Variants in EIF4E3 observed in about 807,000 individuals in gnomAD.
The protein encoded by EIF4E3 is eukaryotic translation initiation factor 4E family member 3.
In EIF4E3, 26 loss-of-function variants were observed where a neutral mutation model predicts 31.7. That is an observed-to-expected ratio of 0.82 (90% confidence interval 0.60 to 1.14). The LOEUF (loss-of-function observed/expected upper bound fraction) is 1.14. Among genes scored for constraint, EIF4E3 ranks in the 50% most tolerant of loss-of-function variants. The probability of loss-of-function intolerance (pLI) is 0.00; values close to 1 mark genes in which losing one functional copy is unlikely to be tolerated. For synonymous variants in EIF4E3, 128 were observed against 107.7 expected, an observed-to-expected ratio of 1.19 and a Z score of -1.17; for missense variants, 304 against 270.9, an observed-to-expected ratio of 1.12 and a Z score of -0.86.
rs1215872110 is a variant in EIF4E3, at chr3:71,714,273, AGAAGGAAG to A, written c.177-3797_177-3790del. On this transcript the variant is annotated intron_variant, in intron 1 of 6. Transcript: ENST00000425534. The stretch of plus-strand genomic sequence containing the variant: ...AGGAAGGAAGGAAGGAAGGAAGGAA[AGAAGGAAG>A]GAAGGAAGGAAGGAAGGAAGGAACG... Among the ~76,000 whole-genome samples, 47 of 125,370 alleles carry A rather than the reference AGAAGGAAG, an allele frequency of 3.7e-4. 1 individual carries two copies. Among genetic ancestry groups the A allele is most frequent in the South Asian group, 1.0e-3 (4 of 3,834 alleles). 82.2% of individuals were successfully genotyped at this position (125,370 alleles called of 152,430 possible).
intron 1 of EIF4E3, among the ~76,000 whole-genome samples, chr3:71,740,352 A>C (rs538261382): frequency 6.6e-6 from 1 of 152,370 alleles, no homozygotes; most frequent in African/African-American, 2.4e-5. Context: ...CAAGAAATGC[A>C]CTTTAAATAT....
chr3:71,717,913 A>G (rs1044421060), intron 1 of EIF4E3, among the ~76,000 whole-genome samples: 3 of 152,252 alleles, frequency 2.0e-5, no homozygotes, highest in African/African-American at 7.2e-5. Flanking sequence ...TTAACAAGTT[A>G]AAGTGGGAAA....
chr3:71,668,987 T>A, the EIF4E3 span, among the ~76,000 whole-genome samples: 1 of 152,114 alleles, frequency 6.6e-6, no homozygotes, highest in African/African-American at 2.4e-5. Context: ...AAAAACTTGG[T>A]ACCAACCCAA....
intron 6 of EIF4E3, among the ~76,000 whole-genome samples, chr3:71,685,215 C>T (rs1243133350): frequency 3.3e-5 from 5 of 152,034 alleles, no homozygotes; most frequent in Non-Finnish European, 7.4e-5. Flanking sequence ...GCCCCTGCTC[C>T]CTACCTCTCA....
intron 1 of EIF4E3, among the ~76,000 whole-genome samples, chr3:71,720,703 G>T (rs1007309606): frequency 6.6e-6 from 1 of 152,150 alleles, no homozygotes; most frequent in Non-Finnish European, 1.5e-5. Flanking sequence ...GTAAGATAAG[G>T]CGTATGTTTA....
chr3:71,693,715 C>T (rs555147805), intron 5 of EIF4E3, among the ~76,000 whole-genome samples, 160 bp downstream of exon 5: 12 of 152,046 alleles, frequency 7.9e-5, no homozygotes, highest in South Asian at 6.2e-4. Flanking sequence ...ACACTGAACA[C>T]GAAAATCACA....
intron 4 of EIF4E3, among the ~76,000 whole-genome samples, chr3:71,695,156 A>G (rs549702981): frequency 6.6e-6 from 1 of 152,074 alleles, no homozygotes. Context: ...CTGTCCAGCT[A>G]CACTCCTTCA....
chr3:71,674,090 C>CTTTTTTTTTTTTT (rs71277509), downstream of EIF4E3, among the ~76,000 whole-genome samples: 2 of 25,054 alleles, frequency 8.0e-5, 1 homozygote, highest in Non-Finnish European at 1.9e-4. Context: ...ATCAACTGTA[C>CTTTTTTTTTTTTT]TTTTTTTTTT....
intron 2 of EIF4E3, among the ~76,000 whole-genome samples, chr3:71,701,390 T>C (rs1359374487): frequency 2.0e-5 from 3 of 152,170 alleles, no homozygotes; most frequent in Non-Finnish European, 2.9e-5. Context: ...GAGACGAACC[T>C]GCCCAAGAGT....
the EIF4E3 span, among the ~76,000 whole-genome samples, chr3:71,669,535 G>A: frequency 6.6e-6 from 1 of 152,166 alleles, no homozygotes; most frequent in African/African-American, 2.4e-5. Context: ...ATTGTGTTTA[G>A]AATGAAATAT....
chr3:71,743,428 A>C (rs1158254327), intron 1 of EIF4E3, among the ~76,000 whole-genome samples: 1 of 152,202 alleles, frequency 6.6e-6, no homozygotes, highest in Non-Finnish European at 1.5e-5. Flanking sequence ...CACCAGATAT[A>C]CAAGAACTAT....
chr3:71,739,979 T>C (rs1196106559), intron 1 of EIF4E3, among the ~76,000 whole-genome samples: 1 of 152,082 alleles, frequency 6.6e-6, no homozygotes, highest in Non-Finnish European at 1.5e-5. Context: ...CCACTGTAAA[T>C]TGTTATAGTG....
chr3:71,689,737 G>C (rs2049037084), intron 6 of EIF4E3, among the ~76,000 whole-genome samples: 1 of 151,502 alleles, frequency 6.6e-6, no homozygotes, highest in African/African-American at 2.4e-5. Flanking sequence ...ACAAATTTGA[G>C]TTCAGGTACA....
intron 2 of EIF4E3, among the ~76,000 whole-genome samples, chr3:71,701,140 G>A (rs1215590050): frequency 6.6e-6 from 1 of 152,166 alleles, no homozygotes; most frequent in East Asian, 1.9e-4. Context: ...CCAGTCTATG[G>A]TATTTGGTTA....
intron 1 of EIF4E3, among the ~76,000 whole-genome samples, chr3:71,717,300 C>T (rs773181753): frequency 2.5e-4 from 38 of 152,104 alleles, no homozygotes; most frequent in Admixed American, 5.9e-4. Flanking sequence ...ATCAAGTTAT[C>T]GTAAGAAATG....
chr3:71,664,269 A>T, the EIF4E3 span, among the ~76,000 whole-genome samples: 1 of 151,802 alleles, frequency 6.6e-6, no homozygotes, highest in Non-Finnish European at 1.5e-5. Flanking sequence ...TCATCTTCAT[A>T]CTCCATTTAA....
intron 2 of EIF4E3, among the ~76,000 whole-genome samples, chr3:71,709,814 A>T (rs1459890162): frequency 1.3e-5 from 2 of 152,214 alleles, no homozygotes; most frequent in African/African-American, 2.4e-5. Context: ...TGGCATAAAC[A>T]TAATCTTATT....
chr3:71,706,894 A>G (rs2049301062), intron 2 of EIF4E3, among the ~76,000 whole-genome samples: 1 of 152,202 alleles, frequency 6.6e-6, no homozygotes, highest in Non-Finnish European at 1.5e-5. Context: ...ATATCCTCAA[A>G]TTACTTACAA....
At chr3:71,732,706 G>C (rs1390922754) in intron 1 of EIF4E3, among the ~76,000 whole-genome samples, 1 of 152,230 alleles carries the variant, frequency 6.6e-6, no homozygotes, top group Non-Finnish European at 1.5e-5. Context: ...GACTGAAGGG[G>C]AGAGCCGGCA....
Sources: allele counts gnomAD v4.1 joint callset (sites outside exome capture counted in the v4.1 genomes callset), GRCh38; gene constraint gnomAD v4.1.1; transcripts MANE v1.5; gene names NCBI Gene and HGNC (gene_info 2026-07-23, HGNC 2026-07-21).